The following COL24A1 variants were observed in gnomAD, a reference collection of about 807,000 sequenced individuals.
COL24A1 encodes collagen type XXIV alpha 1 chain, also known as collagen alpha-1(XXIV) chain.
COL24A1 carries 224 observed loss-of-function variants against 253.9 expected under a neutral mutation model. The ratio of observed to expected loss-of-function variants is 0.88; its 90% CI spans 0.79 to 0.99. The LOEUF (loss-of-function observed/expected upper bound fraction) is 0.99. COL24A1 is among the 50% of genes least tolerant of loss of function. The probability of loss-of-function intolerance (pLI) is 0.00; values close to 1 mark genes in which losing one functional copy is unlikely to be tolerated. For synonymous variants in COL24A1, 685 were observed against 673.7 expected, an observed-to-expected ratio of 1.02 and a Z score of -0.26; for missense variants, 2,131 against 2,068.5, an observed-to-expected ratio of 1.03 and a Z score of -0.59.
intron 2 of COL24A1, among the ~76,000 whole-genome samples, chr1:86,141,561 G>T (rs961469175): frequency 4.6e-5 from 7 of 152,138 alleles, no homozygotes; most frequent in African/African-American, 1.7e-4. Context: ...GGTATTGGAG[G>T]ATCCTTCTCT....
chr1:85,885,496 C>T (rs936871891), intron 32 of COL24A1, among the ~76,000 whole-genome samples: 1 of 151,324 alleles, frequency 6.6e-6, no homozygotes, highest in African/African-American at 2.4e-5. Flanking sequence ...GCTGGGTTTA[C>T]AGGTGTGAGC....
intron 47 of COL24A1, among the ~76,000 whole-genome samples, chr1:85,813,644 G>A (rs940218377): frequency 1.4e-5 from 2 of 139,328 alleles, no homozygotes; most frequent in African/African-American, 5.4e-5. Flanking sequence ...TCCGCCTCCC[G>A]GGTTCACGCC....
chr1:86,128,986 A>T (rs1648747162), intron 2 of COL24A1, among the ~76,000 whole-genome samples: 1 of 151,894 alleles, frequency 6.6e-6, no homozygotes, highest in Non-Finnish European at 1.5e-5. Flanking sequence ...TATTTTCTAT[A>T]GCCTAAAACA....
intron 24 of COL24A1, among the ~76,000 whole-genome samples, chr1:85,946,616 G>A (rs567307895): frequency 5.7e-4 from 87 of 152,240 alleles, no homozygotes; most frequent in African/African-American, 2.0e-3. Flanking sequence ...TTCATCCAAG[G>A]CAGTTCTTAT....
intron 7 of COL24A1, among the ~76,000 whole-genome samples, chr1:86,075,077 C>G (rs2101868625): frequency 6.6e-6 from 1 of 151,932 alleles, no homozygotes; most frequent in East Asian, 1.9e-4. Flanking sequence ...ACGAAAAACT[C>G]TTCAAAAAAT....
chr1:85,971,036 CTG>C (rs1277795622), intron 21 of COL24A1, among the ~76,000 whole-genome samples: 1 of 152,112 alleles, frequency 6.6e-6, no homozygotes, highest in Non-Finnish European at 1.5e-5. Flanking sequence ...CATAGCAAAA[CTG>C]TGTCTTTACA....
intron 14 of COL24A1, among the ~76,000 whole-genome samples, chr1:86,031,519 A>G (rs1158178181): frequency 6.6e-5 from 10 of 152,168 alleles, no homozygotes; most frequent in Admixed American, 6.6e-4. Flanking sequence ...ATGTACAGCT[A>G]TTATGTATTG....
At chr1:85,773,236 T>A (rs2101374270) in intron 53 of COL24A1, among the ~76,000 whole-genome samples, 1 of 152,318 alleles carries the variant, frequency 6.6e-6, no homozygotes, top group East Asian at 1.9e-4. Context: ...TATATATCTG[T>A]TTTGGTAACA....
chr1:85,937,922 G>A (rs1213938236), intron 24 of COL24A1, among the ~76,000 whole-genome samples: 1 of 147,344 alleles, frequency 6.8e-6, no homozygotes, highest in Non-Finnish European at 1.5e-5. Context: ...TACCATATGG[G>A]ATCCCCAAAA....
intron 24 of COL24A1, among the ~76,000 whole-genome samples, chr1:85,959,827 T>C (rs1364136849): frequency 6.6e-6 from 1 of 152,178 alleles, no homozygotes; most frequent in Non-Finnish European, 1.5e-5. Flanking sequence ...GATATTACTT[T>C]AAGAAAATAT....
intron 14 of COL24A1, among the ~76,000 whole-genome samples, chr1:86,029,260 C>T (rs754329528): frequency 4.5e-4 from 69 of 152,154 alleles, no homozygotes; most frequent in African/African-American, 1.5e-3. Context: ...TACAGACCAA[C>T]GAAATTCTGG....
chr1:86,115,264 A>G, intron 4 of COL24A1, 61 bp downstream of exon 4: 3 of 1,556,626 alleles, frequency 1.9e-6, no homozygotes, highest in Non-Finnish European at 2.7e-6. Flanking sequence ...AATACTAGAA[A>G]AAACATGTTA....
intron 27 of COL24A1, 64 bp from the exon 28 acceptor site, chr1:85,907,311 T>C: frequency 1.5e-6 from 2 of 1,291,686 alleles, no homozygotes; most frequent in South Asian, 2.4e-5. Context: ...ATAATAGCCA[T>C]AATCTTTCTT....
At chr1:86,111,748 C>G (rs1393988015) in intron 5 of COL24A1, among the ~76,000 whole-genome samples, 5 of 152,166 alleles carry the variant, frequency 3.3e-5, no homozygotes, top group African/African-American at 1.2e-4. Context: ...AAGTCTGCAG[C>G]TTCATTCCCG....
chr1:86,084,641 A>C (rs1444339188), intron 7 of COL24A1, among the ~76,000 whole-genome samples: 1 of 152,240 alleles, frequency 6.6e-6, no homozygotes, highest in Non-Finnish European at 1.5e-5. Flanking sequence ...GAAATATTTT[A>C]AAAGACTTCT....
intron 52 of COL24A1, among the ~76,000 whole-genome samples, chr1:85,780,232 T>C (rs1459273160): frequency 6.6e-6 from 1 of 151,528 alleles, no homozygotes; most frequent in Non-Finnish European, 1.5e-5. Flanking sequence ...TCTAAATTTA[T>C]CAAAGAGAAT....
chr1:85,998,084 T>A (rs1695028245), intron 19 of COL24A1, among the ~76,000 whole-genome samples: 1 of 152,204 alleles, frequency 6.6e-6, no homozygotes, highest in South Asian at 2.1e-4. Flanking sequence ...TTTTTTTAAC[T>A]TAAAACTGTT....
chr1:85,901,416 G>T (rs1275166202), intron 28 of COL24A1, among the ~76,000 whole-genome samples: 1 of 152,026 alleles, frequency 6.6e-6, no homozygotes, highest in Non-Finnish European at 1.5e-5. Context: ...TATTGGCCAG[G>T]ATGCACAGCA....
intron 10 of COL24A1, among the ~76,000 whole-genome samples, chr1:86,054,171 T>G (rs911690091): frequency 6.6e-6 from 1 of 152,134 alleles, no homozygotes; most frequent in African/African-American, 2.4e-5. Flanking sequence ...AGACTTAGTA[T>G]GTAAGACCTC....
Sources: allele counts gnomAD v4.1 joint callset (sites outside exome capture counted in the v4.1 genomes callset), GRCh38; gene constraint gnomAD v4.1.1; transcripts MANE v1.5; gene names NCBI Gene and HGNC (gene_info 2026-07-23, HGNC 2026-07-21).